Variants in SEC22C observed in about 807,000 individuals in gnomAD.
SEC22C encodes the protein SEC22 homolog C, vesicle trafficking protein.
SEC22C carries 29 observed loss-of-function variants against 34.7 expected under a neutral mutation model. The observed-to-expected ratio is 0.84, with a 90% CI of 0.62 to 1.14. The LOEUF (loss-of-function observed/expected upper bound fraction) is 1.14, where lower values mean the gene tolerates loss of function less well. Ranked by LOEUF, SEC22C falls within the 50% of genes most tolerant of loss-of-function variation. The pLI is 0.00. For synonymous variants in SEC22C, 117 were observed against 132.8 expected (o/e 0.88, Z 0.82); for missense variants, 337 against 369.0 (o/e 0.91, Z 0.71).
intron 1 of SEC22C, among the ~76,000 whole-genome samples, chr3:42,574,079 A>C (rs1185887869): frequency 6.6e-6 from 1 of 152,232 alleles, no homozygotes; most frequent in Non-Finnish European, 1.5e-5. Context: ...AAAACTAAAG[A>C]CAAAGAAAAA....
chr3:42,553,438 T>C lies in SEC22C; in HGVS notation c.722A>G (p.Tyr241Cys). 6.2e-7 allele frequency: 1 copy of C among 1,613,616 alleles called. No individual in the cohort carries two copies. The highest frequency in any genetic ancestry group is 8.5e-7 in the Non-Finnish European group (1 of 1,179,884). ...FVACIFQCYLYLFYSPARTMK... is the reference protein window; with the variant it reads ...FVACIFQCYLCLFYSPARTMK... ...AGTCCTGGCTGGACTGTAGAACAGG[T>C]ACAAATAACACTGAAATGAGACCAG... The change falls in exon 7 of 7, where the codon TAC (tyrosine) becomes TGC (cysteine). Residue 241 changes from tyrosine (Y) to cysteine (C), a missense_variant. Physicochemically the swap from Tyr to Cys is radical, Grantham distance 194 (BLOSUM62 -2). Transcript: ENST00000264454.
intron 1 of SEC22C, chr3:42,590,892 C>G (rs750451000): frequency 6.5e-7 from 1 of 1,538,436 alleles, no homozygotes; most frequent in Admixed American, 1.7e-5. Context: ...CCGGAGGTTC[C>G]TCGGGATGTC....
intron 1 of SEC22C, among the ~76,000 whole-genome samples, chr3:42,572,606 C>G (rs1166605209): frequency 2.6e-5 from 4 of 152,212 alleles, no homozygotes; most frequent in African/African-American, 7.2e-5. Context: ...CGTAGGGAAC[C>G]TGGACTTCTA....
upstream of SEC22C, among the ~76,000 whole-genome samples, chr3:42,584,640 A>C (rs543116920): frequency 8.6e-4 from 131 of 152,288 alleles, no homozygotes; most frequent in South Asian, 7.5e-3. Flanking sequence ...ACAAAATGAA[A>C]ACTGAAGAGA....
chr3:42,560,640 AT>A (rs1702843016), intron 4 of SEC22C, among the ~76,000 whole-genome samples: 2 of 151,972 alleles, frequency 1.3e-5, no homozygotes, highest in African/African-American at 4.8e-5. Flanking sequence ...ATAATAGTCA[AT>A]TTTTTTCTTT....
At chr3:42,589,493 T>A (rs1253968519) in intron 1 of SEC22C, among the ~76,000 whole-genome samples, 3 of 152,108 alleles carry the variant, frequency 2.0e-5, no homozygotes. Context: ...ACGAATCTTG[T>A]TACCACATCC....
intron 3 of SEC22C, among the ~76,000 whole-genome samples, chr3:42,562,848 A>G (rs1393203596): frequency 1.3e-5 from 2 of 152,150 alleles, no homozygotes; most frequent in Admixed American, 6.5e-5. Flanking sequence ...AAGAAGTATC[A>G]TTTTTCCAGA....
intron 1 of SEC22C, among the ~76,000 whole-genome samples, chr3:42,572,323 C>T (rs972225109): frequency 1.3e-5 from 2 of 152,014 alleles, no homozygotes; most frequent in Admixed American, 1.3e-4. Context: ...AACTGCTCTA[C>T]TCCAGCCAAA....
At chr3:42,573,177 C>T (rs1703749598) in intron 1 of SEC22C, among the ~76,000 whole-genome samples, 1 of 152,066 alleles carries the variant, frequency 6.6e-6, no homozygotes, top group Admixed American at 6.6e-5. Flanking sequence ...AAAATAAAAA[C>T]TCTCAGTAAA....
chr3:42,561,954 C>T (rs1277575856), intron 3 of SEC22C, among the ~76,000 whole-genome samples: 1 of 151,018 alleles, frequency 6.6e-6, no homozygotes, highest in South Asian at 2.1e-4. Flanking sequence ...TATTTCTAAG[C>T]TTGAAAAATG....
chr3:42,580,353 T>G (rs1215859600), intron 1 of SEC22C: 1 of 152,174 alleles, frequency 6.6e-6, no homozygotes, highest in Non-Finnish European at 1.5e-5. Context: ...AAACACAAAG[T>G]GTTCACCATA....
Position 42,550,281 on chromosome 3 carries a change from G to A in SEC22C, c.*2967C>T, listed in dbSNP as rs1484345451. The A allele has an allele frequency of 2.0e-6, 2 of 985,434 alleles. No homozygotes were observed. Among genetic ancestry groups the A allele is most frequent in the Non-Finnish European group, 2.4e-6 (2 of 829,946 alleles). 61.0% of individuals were successfully genotyped at this position (985,434 alleles called of 1,614,324 possible). On this transcript the variant is annotated 3_prime_UTR_variant, in exon 7 of 7. Coordinates refer to ENST00000264454, the MANE Select transcript of SEC22C (RefSeq NM_032970.4). ...CTATTCCCAGATCTAGTCCAGTGAT[G>A]TCAGCTGCACAGGTAGCATTTAACT...
At chr3:42,578,539 TACACAC>T (rs66708395) in intron 1 of SEC22C, among the ~76,000 whole-genome samples, 90 of 146,768 alleles carry the variant, frequency 6.1e-4, no homozygotes, top group African/African-American at 1.6e-3. Context: ...GTGACAGTAC[TACACAC>T]ACACACACAC....
chr3:42,597,555 C>CA (rs1240922376), intron 1 of SEC22C, among the ~76,000 whole-genome samples: 5,277 of 71,828 alleles, frequency 0.073, 164 homozygotes, highest in East Asian at 0.18. Context: ...GACTTTGTCT[C>CA]AAAAAAAAAA....
chr3:42,556,038 G>C (rs759308014), intron 5 of SEC22C, 43 bp from the exon 6 acceptor site: 1 of 1,471,758 alleles, frequency 6.8e-7, no homozygotes, highest in African/African-American at 1.4e-5. Flanking sequence ...ATATTTAGAT[G>C]AAAGGAAACA....
chr3:42,585,286 G>A (rs1323910508), upstream of SEC22C, among the ~76,000 whole-genome samples: 1 of 152,178 alleles, frequency 6.6e-6, no homozygotes, highest in Non-Finnish European at 1.5e-5. Flanking sequence ...ACAGGGGTGA[G>A]ATGTAGTACC....
chr3:42,564,725 G>T (rs1187094960), intron 2 of SEC22C, among the ~76,000 whole-genome samples: 2 of 152,136 alleles, frequency 1.3e-5, no homozygotes, highest in African/African-American at 2.4e-5. Flanking sequence ...TTAGGTTGTG[G>T]CCTGACAAGA....
rs1322582338 is a variant in SEC22C at position 42,573,778 on chromosome 3, A to T, written c.-27-4705T>A. Among the ~76,000 whole-genome samples the T allele has an allele frequency of 3.3e-5, 5 of 152,200 alleles. No homozygotes were observed. The East Asian group carries it at 9.6e-4, about 29-fold the overall frequency. On this transcript the variant is annotated intron_variant, in intron 1 of 6. Coordinates refer to ENST00000264454, the MANE Select transcript of SEC22C (RefSeq NM_032970.4). ...ATGAATGAGTAAACATTAAGACAGA[A>T]CATAGAAATTACTCAATCTGAACAA...
intron 1 of SEC22C, among the ~76,000 whole-genome samples, chr3:42,581,159 A>T (rs1304134148): frequency 3.3e-5 from 5 of 152,244 alleles, no homozygotes; most frequent in Non-Finnish European, 5.9e-5. Context: ...TACTAAAATT[A>T]TCTTTAGTGG....
Sources: gnomAD v4.1 joint callset for allele counts (sites outside exome capture counted in the v4.1 genomes callset) on GRCh38, gnomAD v4.1.1 for gene constraint, MANE v1.5 for transcripts, NCBI Gene and HGNC (gene_info 2026-07-23, HGNC 2026-07-21) for gene names.